RPS6KA2: variants seen among roughly 807,000 people sequenced by gnomAD.
RPS6KA2 encodes ribosomal protein S6 kinase alpha-2.
In RPS6KA2, 42 loss-of-function variants were observed where a neutral mutation model predicts 91.8. The ratio of observed to expected loss-of-function variants is 0.46; its 90% CI spans 0.36 to 0.59. The LOEUF (loss-of-function observed/expected upper bound fraction) is 0.59, where lower values mean the gene tolerates loss of function less well. RPS6KA2 is among the 20% of genes least tolerant of loss of function. The pLI, the probability that RPS6KA2 is intolerant of heterozygous loss-of-function variation, is 0.00. For synonymous variants in RPS6KA2, 414 were observed against 393.6 expected, an observed-to-expected ratio of 1.05 and a Z score of -0.61; for missense variants, 798 against 978.5, an observed-to-expected ratio of 0.82 and a Z score of 2.46.
intron 16 of RPS6KA2, among the ~76,000 whole-genome samples, chr6:166,426,689 C>G (rs1778928875): frequency 2.0e-5 from 1 of 51,202 alleles, no homozygotes; most frequent in Non-Finnish European, 3.8e-5. Context: ...CGCAAATAAA[C>G]TAGAAAATCT....
intron 14 of RPS6KA2, among the ~76,000 whole-genome samples, chr6:166,444,377 TA>T (rs1779611576): frequency 6.6e-6 from 1 of 152,190 alleles, no homozygotes; most frequent in African/African-American, 2.4e-5. Context: ...CGCCCACCAC[TA>T]GTCTCCCTGG....
Position 166,733,359 on chromosome 6 carries a change from C to T in RPS6KA2, c.123+124841G>A, listed in dbSNP as rs1282971972. 6.6e-6 allele frequency among the ~76,000 whole-genome samples: 1 copy of T among 152,166 alleles called. No individual in the cohort carries two copies. Among genetic ancestry groups the T allele is most frequent in the Non-Finnish European group, 1.5e-5 (1 of 68,042 alleles). ...GGCCGTCTTGATCAGTTTATTATGT[C>T]TTGGAACTCATCCTTGAATTAATTG... On this transcript the variant is annotated intron_variant, in intron 2 of 21. Coordinates refer to the RPS6KA2 transcript ENST00000503859. This position sits in a 1 kb window ranked among gnomAD's most constrained non-coding sequence, Gnocchi z 4.1.
intron 2 of RPS6KA2, among the ~76,000 whole-genome samples, chr6:166,747,078 G>C (rs981642484): frequency 1.2e-4 from 19 of 152,198 alleles, no homozygotes; most frequent in African/African-American, 4.6e-4. Context: ...TTGTTATGGA[G>C]GCTCCATTAC....
At chr6:166,746,747 A>G (rs1473645970) in intron 2 of RPS6KA2, among the ~76,000 whole-genome samples, 1 of 151,906 alleles carries the variant, frequency 6.6e-6, no homozygotes, top group African/African-American at 2.4e-5. Flanking sequence ...ACTAATTTCA[A>G]CTAAATAGGG....
Position 166,637,613 on chromosome 6 carries a change from C to G in RPS6KA2, c.124-98829G>C, listed in dbSNP as rs117754557. The stretch of plus-strand genomic sequence containing the variant: ...GGAAATACTAACCAAGCGCTCAGAA[C>G]TTAAAGTCAGTGTGGGCTGTCTGTT... On this transcript the variant is annotated intron_variant, in intron 2 of 21. Coordinates refer to the RPS6KA2 transcript ENST00000503859. Among the ~76,000 whole-genome samples, 811 of 152,320 alleles carry G rather than the reference C, an allele frequency of 5.3e-3. 25 individuals carry two copies. Among genetic ancestry groups the G allele is most frequent in the Admixed American group, 0.044 (676 of 15,304 alleles).
At chr6:166,534,892 A>C (rs1470404720) in intron 2 of RPS6KA2, among the ~76,000 whole-genome samples, 1 of 152,250 alleles carries the variant, frequency 6.6e-6, no homozygotes. Flanking sequence ...TGAGACGAGC[A>C]GCAAAATACA....
At chr6:166,764,858 C>G (rs1363476848) in intron 2 of RPS6KA2, among the ~76,000 whole-genome samples, 1 of 152,222 alleles carries the variant, frequency 6.6e-6, no homozygotes, top group Non-Finnish European at 1.5e-5. Context: ...ACACACTACA[C>G]AACGTGTGTG....
intron 2 of RPS6KA2, among the ~76,000 whole-genome samples, chr6:166,659,743 C>T (rs988733079): frequency 1.3e-5 from 2 of 152,144 alleles, no homozygotes; most frequent in Non-Finnish European, 1.5e-5. Flanking sequence ...GGTGGCTTGA[C>T]GTCCTTTGCC....
chr6:166,465,641 C>T (rs1231767212), intron 11 of RPS6KA2, among the ~76,000 whole-genome samples: 1 of 152,226 alleles, frequency 6.6e-6, no homozygotes, highest in African/African-American at 2.4e-5. Context: ...CCTTCTTCTC[C>T]TCCTTCTGCC....
Position 166,437,852 on chromosome 6 carries a change from T to TCGCTGCTCTTGATAA in RPS6KA2, c.1333-5363_1333-5362insTTATCAAGAGCAGCG, listed in dbSNP as rs1467218915. 9.9e-5 allele frequency among the ~76,000 whole-genome samples: 15 copies of TCGCTGCTCTTGATAA among 152,224 alleles called. No homozygotes were observed. The highest frequency in any genetic ancestry group is 3.6e-4 in the African/African-American group (15 of 41,458). On this transcript the variant is annotated intron_variant, in intron 14 of 20. Transcript: ENST00000265678. This position sits in a 1 kb window ranked among gnomAD's most constrained non-coding sequence, Gnocchi z 4.3. Reference sequence around the variant, plus strand: ...TGGCCGAAGGCGGCAACAGGAGACTTCACCGCTCTCGATACACCTTTCTGG... The same window carrying TCGCTGCTCTTGATAA: ...TGGCCGAAGGCGGCAACAGGAGACTTCGCTGCTCTTGATAACACCGCTCTCGATACACCTTTCTGG...
At chr6:166,657,987 G>A (rs1039987305) in intron 2 of RPS6KA2, among the ~76,000 whole-genome samples, 2 of 152,200 alleles carry the variant, frequency 1.3e-5, no homozygotes, top group Non-Finnish European at 2.9e-5. Context: ...CGGTTCAAGC[G>A]AGTCTCATGG....
chr6:166,548,388 A>C (rs1462424225), intron 1 of RPS6KA2, among the ~76,000 whole-genome samples: 1 of 152,234 alleles, frequency 6.6e-6, no homozygotes, highest in Non-Finnish European at 1.5e-5. Context: ...GACCTGTAAT[A>C]CCCAATTTTG....
At chr6:166,702,035 C>T (rs753830340) in intron 2 of RPS6KA2, 5 of 1,077,994 alleles carry the variant, frequency 4.6e-6, no homozygotes, top group Middle Eastern at 2.6e-4. Context: ...AGTTTCCTTA[C>T]GCATAATCTC....
Position 166,733,044 on chromosome 6 carries a change from C to A in RPS6KA2, c.123+125156G>T, listed in dbSNP as rs1412582133. Among the ~76,000 whole-genome samples the A allele has an allele frequency of 6.6e-6, 1 of 152,140 alleles. No homozygotes were observed. The highest frequency in any genetic ancestry group is 1.5e-5 in the Non-Finnish European group (1 of 68,032). On this transcript the variant is annotated intron_variant, in intron 2 of 21. Coordinates refer to the RPS6KA2 transcript ENST00000503859. The surrounding 1 kb of genome is among the most constrained non-coding windows in gnomAD (Gnocchi z 4.1). ...CATCGGATTTCTGGAGGTTTGGGAC[C>A]CTCTTTGCAGAAGCTTTCACGAGCC...
At chr6:166,476,652 T>C (rs892294317) in intron 10 of RPS6KA2, among the ~76,000 whole-genome samples, 3 of 148,870 alleles carry the variant, frequency 2.0e-5, no homozygotes, top group African/African-American at 7.5e-5. Context: ...GCAGAGAGGG[T>C]CCCCTCTCTC....
intron 1 of RPS6KA2, among the ~76,000 whole-genome samples, chr6:166,550,874 G>C (rs539980400): frequency 5.3e-5 from 8 of 151,484 alleles, no homozygotes; most frequent in East Asian, 3.9e-4. Context: ...GGTGGCGGGC[G>C]CCTGTAGTCC....
At chr6:166,547,901 C>T (rs1282673578) in intron 1 of RPS6KA2, among the ~76,000 whole-genome samples, 1 of 152,230 alleles carries the variant, frequency 6.6e-6, no homozygotes, top group Non-Finnish European at 1.5e-5. Flanking sequence ...GACCAATAGG[C>T]ATAACGTGCA....
chr6:166,588,550 G>A (rs145986150), intron 1 of RPS6KA2, among the ~76,000 whole-genome samples: 1 of 152,284 alleles, frequency 6.6e-6, no homozygotes, highest in Non-Finnish European at 1.5e-5. Context: ...ACCAGAATCT[G>A]GGGAAATTCT....
intron 2 of RPS6KA2, among the ~76,000 whole-genome samples, chr6:166,764,765 C>T (rs977671460): frequency 3.3e-5 from 5 of 152,226 alleles, no homozygotes; most frequent in African/African-American, 7.2e-5. Context: ...ACTGGGACAG[C>T]GGCCACCGCG....
Sources: gnomAD v4.1 joint callset for allele counts (sites outside exome capture counted in the v4.1 genomes callset) on GRCh38, gnomAD v4.1.1 for gene constraint, Gnocchi (gnomAD v3.1) non-coding constraint, MANE v1.5 for transcripts, NCBI Gene and HGNC (gene_info 2026-07-23, HGNC 2026-07-21) for gene names.